The following DMXL1 variants were observed in gnomAD, a reference collection of about 807,000 sequenced individuals.
DMXL1 encodes the protein Dmx like 1, also known as dmX-like protein 1.
In DMXL1, 99 loss-of-function variants were observed where a neutral mutation model predicts 319.2. The observed-to-expected ratio is 0.31, with a 90% CI of 0.26 to 0.37. The LOEUF (loss-of-function observed/expected upper bound fraction) is 0.37. DMXL1 is among the 10% of genes least tolerant of loss of function. DMXL1 has a pLI of 1.00. For missense variants in DMXL1, 3,745 were observed against 3,595.6 expected (o/e 1.04, Z -1.06); for synonymous variants, 1,385 against 1,235.2 (o/e 1.12, Z -2.54).
At chr5:119,150,916 A>G (rs573964966) in intron 18 of DMXL1, among the ~76,000 whole-genome samples, 1 of 151,842 alleles carries the variant, frequency 6.6e-6, no homozygotes, top group African/African-American at 2.4e-5. Flanking sequence ...TTTATCCTGT[A>G]AATCATAGTA....
Position 119,171,036 on chromosome 5 carries a change from A to G in DMXL1, c.6245A>G (p.Glu2082Gly). 2 of 1,613,940 alleles carry G rather than the reference A, an allele frequency of 1.2e-6. No homozygotes were observed. Among genetic ancestry groups the G allele is most frequent in the South Asian group, 2.2e-5 (2 of 91,072 alleles). ...TGTGACTTTTGCTCAGATGCTGAAG[A>G]ACTACAGTCTGCATTTGGCAGAAAT... ...RTCDFCSDAEELQSAFGRNED... is the reference protein window; with the variant it reads ...RTCDFCSDAEGLQSAFGRNED... Residue 2082 changes from glutamate to glycine, a missense_variant, in exon 24 of 44, where the codon GAA becomes GGA. This residue lies in a region of DMXL1 where 1,382 missense variants were observed against 1,269.5 expected (regional missense o/e 1.09). Coordinates refer to ENST00000539542, the MANE Select transcript of DMXL1 (RefSeq NM_001290321.3).
At chr5:119,155,201 T>G (rs989784771) in intron 19 of DMXL1, among the ~76,000 whole-genome samples, 2 of 152,216 alleles carry the variant, frequency 1.3e-5, no homozygotes, top group African/African-American at 2.4e-5. Context: ...AATCAAAGAA[T>G]GCCTCCAACT....
chr5:119,127,352 T>C, intron 9 of DMXL1: 1 of 152,748 alleles, frequency 6.5e-6, no homozygotes, highest in Non-Finnish European at 1.5e-5. Flanking sequence ...CTTTATCCTT[T>C]TTTTTTTTTT....
chr5:119,121,905 G>A (rs1316991616), intron 9 of DMXL1, among the ~76,000 whole-genome samples: 7 of 137,316 alleles, frequency 5.1e-5, no homozygotes, highest in Middle Eastern at 3.8e-3. Flanking sequence ...CTGGCCGGGC[G>A]GGGGGCTGAC....
Position 119,183,014 on chromosome 5 carries a change from C to G in DMXL1, c.7135+4770C>G, listed in dbSNP as rs149112439. Reference sequence around the variant, plus strand: ...CATTTATAAGAACTGTGAATTACCTCTTTATCTTAATAAATTCATAGTAAT... The same window carrying G: ...CATTTATAAGAACTGTGAATTACCTGTTTATCTTAATAAATTCATAGTAAT... On this transcript the variant is annotated intron_variant, in intron 28 of 43. Transcript: ENST00000539542. Among the ~76,000 whole-genome samples, 81 of 152,240 alleles carry G rather than the reference C, an allele frequency of 5.3e-4. 1 individual carries two copies. The East Asian group carries it at 0.015, about 28-fold the overall frequency.
chr5:119,157,728 A>T (rs1771422161), intron 19 of DMXL1, among the ~76,000 whole-genome samples: 2 of 152,108 alleles, frequency 1.3e-5, no homozygotes, highest in South Asian at 4.1e-4. Context: ...CTAGCTTTGT[A>T]ATATAGTTTG....
intron 1 of DMXL1, among the ~76,000 whole-genome samples, chr5:119,084,500 A>G (rs775682669): frequency 6.6e-6 from 1 of 152,100 alleles, no homozygotes; most frequent in African/African-American, 2.4e-5. Flanking sequence ...TTTTAGGGTC[A>G]TTTTTTTCTA....
intron 38 of DMXL1, 86 bp from the exon 39 acceptor site, chr5:119,233,254 A>G (rs971728840): frequency 1.2e-5 from 17 of 1,373,376 alleles, no homozygotes; most frequent in East Asian, 4.7e-5. Context: ...TGTTTCTTTC[A>G]TAAAGATTTT....
intron 10 of DMXL1, among the ~76,000 whole-genome samples, 158 bp downstream of exon 10, chr5:119,129,581 G>A (rs545021700): frequency 1.4e-4 from 22 of 152,312 alleles, no homozygotes; most frequent in African/African-American, 3.8e-4. Context: ...AGATATTTCT[G>A]TTATAGGTAG....
At chr5:119,105,134 A>G in intron 3 of DMXL1, 46 bp from the exon 4 acceptor site, 1 of 1,250,886 alleles carries the variant, frequency 8.0e-7, no homozygotes, top group Non-Finnish European at 1.2e-6. Context: ...TTTGACAGAG[A>G]AAATATGCCA....
At chr5:119,089,277 C>CATATATATATACATAT (rs1754080562) in intron 1 of DMXL1, among the ~76,000 whole-genome samples, 2 of 31,492 alleles carry the variant, frequency 6.4e-5, no homozygotes, top group Non-Finnish European at 1.1e-4. Flanking sequence ...TATATATATA[C>CATATATATATACATAT]ATATATATAT....
At chr5:119,183,014 C>T (rs149112439) in intron 28 of DMXL1, among the ~76,000 whole-genome samples, 4 of 152,122 alleles carry the variant, frequency 2.6e-5, no homozygotes, top group Non-Finnish European at 4.4e-5. Flanking sequence ...TGAATTACCT[C>T]TTTATCTTAA....
intron 4 of DMXL1, 99 bp from the exon 5 acceptor site, chr5:119,110,052 A>C (rs900007456): frequency 2.2e-5 from 25 of 1,160,690 alleles, no homozygotes; most frequent in Non-Finnish European, 2.9e-5. Flanking sequence ...TTGATATTTG[A>C]CTTTTTTTTA....
chr5:119,107,140 C>T (rs973850110), intron 4 of DMXL1, among the ~76,000 whole-genome samples: 1 of 151,662 alleles, frequency 6.6e-6, no homozygotes, highest in Non-Finnish European at 1.5e-5. Context: ...AGTTTGAGAC[C>T]AGCCTGGGCA....
chr5:119,171,986 T>G lies in DMXL1; in HGVS notation c.6681+17T>G. Reference sequence around the variant, plus strand: ...AGCAATAAAGTAAGTATGCTTGGTTTCAAGCTTTTACTTCATCTGTACAAT... The same window carrying G: ...AGCAATAAAGTAAGTATGCTTGGTTGCAAGCTTTTACTTCATCTGTACAAT... On this transcript the variant is annotated intron_variant, in intron 25 of 43. Coordinates refer to ENST00000539542, the MANE Select transcript of DMXL1 (RefSeq NM_001290321.3). 1 of 1,593,924 alleles carries G rather than the reference T, an allele frequency of 6.3e-7. No homozygotes were observed. The highest frequency in any genetic ancestry group is 8.5e-7 in the Non-Finnish European group (1 of 1,169,778).
At chr5:119,176,527 G>C (rs1775828848) in intron 26 of DMXL1, among the ~76,000 whole-genome samples, 1 of 151,910 alleles carries the variant, frequency 6.6e-6, no homozygotes, top group African/African-American at 2.4e-5. Flanking sequence ...ATAGGAATGA[G>C]GGAGTTTTTT....
chr5:119,132,078 T>C (rs1765027525), intron 10 of DMXL1, among the ~76,000 whole-genome samples: 1 of 152,190 alleles, frequency 6.6e-6, no homozygotes, highest in Non-Finnish European at 1.5e-5. Flanking sequence ...ACCAGTTTGA[T>C]GCTGATTCAC....
rs755262614 is a variant in DMXL1 at position 119,134,299 on chromosome 5, T to C, written c.2286T>C (p.Phe762=). 6.2e-7 allele frequency: 1 copy of C among 1,613,920 alleles called. No individual in the cohort carries two copies. The highest frequency in any genetic ancestry group is 1.1e-5 in the South Asian group (1 of 91,012). Residue 762 remains phenylalanine, a synonymous_variant, in exon 13 of 44, where the codon TTT becomes TTC. Transcript: ENST00000539542. ...GAYCNSPSAC[F]VASDGQYLRL... ...ACTGCAACTCTCCTAGTGCATGCTT[T>C]GTAGCCAGTGATGGACAATATCTGA...
chr5:119,217,508 T>G (rs1581385748), intron 35 of DMXL1, among the ~76,000 whole-genome samples: 2 of 152,290 alleles, frequency 1.3e-5, no homozygotes, highest in African/African-American at 4.8e-5. Flanking sequence ...AGTCCAAGAT[T>G]GAAATCTGTC....
Sources: gnomAD v4.1 joint callset for allele counts (sites outside exome capture counted in the v4.1 genomes callset) on GRCh38, gnomAD v4.1.1 for gene constraint, gnomAD v4.1.1 regional missense constraint, MANE v1.5 for transcripts, NCBI Gene and HGNC (gene_info 2026-07-23, HGNC 2026-07-21) for gene names.